DLGAP2: variants seen among roughly 807,000 people sequenced by gnomAD.
DLGAP2 encodes disks large-associated protein 2.
In DLGAP2, 26 loss-of-function variants were observed where a neutral mutation model predicts 100.3. The ratio of observed to expected loss-of-function variants is 0.26; its 90% CI spans 0.19 to 0.36. DLGAP2 has a LOEUF of 0.36. Among genes scored for constraint, DLGAP2 ranks in the 10% least tolerant of loss-of-function variants. The pLI is 1.00. For missense variants in DLGAP2, 1,858 were observed against 1,453.2 expected (o/e 1.28, Z -4.53); for synonymous variants, 886 against 630.1 (o/e 1.41, Z -6.08).
intron 5 of DLGAP2, among the ~76,000 whole-genome samples, chr8:1,563,560 C>T (rs1366742375): frequency 2.6e-5 from 4 of 151,990 alleles, no homozygotes; most frequent in East Asian, 1.9e-4. Flanking sequence ...GTCCGCGCCT[C>T]GTTGCTGCGG....
At chr8:836,741 C>T (rs1055953182) in intron 1 of DLGAP2, among the ~76,000 whole-genome samples, 6 of 152,142 alleles carry the variant, frequency 3.9e-5, no homozygotes, top group Non-Finnish European at 7.4e-5. Flanking sequence ...GCTAAGGAGA[C>T]GAGGGCGTTT....
intron 2 of DLGAP2, among the ~76,000 whole-genome samples, chr8:1,162,866 C>T (rs1000621396): frequency 4.6e-5 from 7 of 152,260 alleles, no homozygotes; most frequent in African/African-American, 1.2e-4. Flanking sequence ...AGCCCCGGCA[C>T]GGGGGCACCA....
chr8:1,172,243 C>G (rs1265241624), intron 2 of DLGAP2, among the ~76,000 whole-genome samples: 1 of 152,170 alleles, frequency 6.6e-6, no homozygotes, highest in Admixed American at 6.5e-5. Context: ...GAGTTTCTGC[C>G]TAGAGATCAG....
At chr8:1,350,175 TGGAAAGGCCGCGCGGGTCCTGAGTGTGC>T (rs1801675587) in intron 3 of DLGAP2, among the ~76,000 whole-genome samples, 1 of 151,334 alleles carries the variant, frequency 6.6e-6, no homozygotes, top group East Asian at 1.9e-4. Context: ...TCTTGTGGCG[TGGAAAGGCCGCGCGGGTCCTGAGTGTGC>T]GTGGAAAGGC....
At chr8:1,332,761 T>C (rs79672938) in intron 3 of DLGAP2, among the ~76,000 whole-genome samples, 1 of 152,178 alleles carries the variant, frequency 6.6e-6, no homozygotes, top group South Asian at 2.1e-4. Context: ...GGAAAAGCCA[T>C]TGAGGCTGCA....
chr8:1,513,737 T>C (rs1294233941), intron 4 of DLGAP2, among the ~76,000 whole-genome samples: 1 of 152,182 alleles, frequency 6.6e-6, no homozygotes, highest in Non-Finnish European at 1.5e-5. Context: ...TAAACAATTA[T>C]AGATGTGTAA....
intron 2 of DLGAP2, chr8:910,387 C>T (rs1186609634): frequency 1.3e-5 from 2 of 152,160 alleles, no homozygotes; most frequent in East Asian, 1.9e-4. Flanking sequence ...TGATTTTAGG[C>T]AATGCTGTGA....
intron 3 of DLGAP2, among the ~76,000 whole-genome samples, chr8:1,416,147 A>G (rs897298924): frequency 6.6e-6 from 1 of 152,214 alleles, no homozygotes; most frequent in African/African-American, 2.4e-5. Flanking sequence ...AAGTATTTTC[A>G]GTGCTCAGTT....
intron 5 of DLGAP2, among the ~76,000 whole-genome samples, chr8:1,550,458 T>G (rs1262061896): frequency 6.6e-6 from 1 of 152,118 alleles, no homozygotes; most frequent in Non-Finnish European, 1.5e-5. Flanking sequence ...GCTGGAGGGT[T>G]TAACAACCAC....
At chr8:1,121,220 TTGTCCAGTTAGAACCCATGAACACCCATC>T in intron 2 of DLGAP2, among the ~76,000 whole-genome samples, 1 of 149,476 alleles carries the variant, frequency 6.7e-6, no homozygotes. Context: ...CCTCCCATCC[TTGTCCAGTTAGAACCCATGAACACCCATC>T]CTCGTCCCTT....
chr8:1,622,414 A>T (rs907218871), intron 6 of DLGAP2: 3 of 152,210 alleles, frequency 2.0e-5, no homozygotes, highest in Non-Finnish European at 4.4e-5. Context: ...GTTTAGATGG[A>T]TCTAAACAGC....
At chr8:935,208 C>A (rs1036793699) in intron 2 of DLGAP2, among the ~76,000 whole-genome samples, 24 of 152,330 alleles carry the variant, frequency 1.6e-4, no homozygotes, top group African/African-American at 5.3e-4. Context: ...GGGCGTCTCT[C>A]TTCCTTCCCG....
rs1304388255 is a variant in DLGAP2, at chr8:777,658, T to C, written c.18+39833T>C. ...ATTCTGGGTTGAAAATTCTTTTCTT[T>C]GAGAATGTTGAATATTGGCCCCCAC... is the stretch of plus-strand genomic sequence containing the variant. On this transcript the variant is annotated intron_variant, in intron 1 of 14. Transcript: ENST00000637795. 1.8e-3 allele frequency among the ~76,000 whole-genome samples: 272 copies of C among 152,172 alleles called. 1 individual carries two copies. Among genetic ancestry groups the C allele is most frequent in the Non-Finnish European group, 2.8e-3 (189 of 67,978 alleles).
chr8:1,069,822 A>G (rs1278679631), intron 2 of DLGAP2, among the ~76,000 whole-genome samples: 5 of 152,118 alleles, frequency 3.3e-5, no homozygotes, highest in African/African-American at 1.2e-4. Flanking sequence ...CTTGTGGAGG[A>G]GGATGCTGTG....
intron 2 of DLGAP2, among the ~76,000 whole-genome samples, chr8:1,215,906 C>T (rs558419942): frequency 2.2e-4 from 32 of 148,186 alleles, no homozygotes; most frequent in Non-Finnish European, 3.3e-4. Flanking sequence ...CATTTGGGTG[C>T]ATTACCTGGA....
intron 3 of DLGAP2, among the ~76,000 whole-genome samples, chr8:1,488,508 C>A (rs892787245): frequency 6.6e-6 from 1 of 152,138 alleles, no homozygotes; most frequent in Non-Finnish European, 1.5e-5. Context: ...TTTCATCTTC[C>A]CTTTATTTTT....
intron 6 of DLGAP2, among the ~76,000 whole-genome samples, chr8:1,598,566 TTTGAC>T (rs1192771586): frequency 6.6e-6 from 1 of 152,218 alleles, no homozygotes; most frequent in Non-Finnish European, 1.5e-5. Context: ...TATTCAGGGA[TTTGAC>T]TTATTCCTCA....
intron 2 of DLGAP2, among the ~76,000 whole-genome samples, chr8:1,189,732 C>G (rs1188621033): frequency 6.6e-6 from 1 of 152,122 alleles, no homozygotes; most frequent in Non-Finnish European, 1.5e-5. Context: ...CTCGAGTTAT[C>G]CAATAGGCAT....
chr8:755,400 A>G (rs1820895333), intron 1 of DLGAP2, among the ~76,000 whole-genome samples: 2 of 152,238 alleles, frequency 1.3e-5, no homozygotes, highest in South Asian at 4.2e-4. Flanking sequence ...CAGAGGTTGC[A>G]GTGAGCTGTG....
Sources: gnomAD v4.1 joint callset for allele counts (sites outside exome capture counted in the v4.1 genomes callset) on GRCh38, gnomAD v4.1.1 for gene constraint, MANE v1.5 for transcripts, NCBI Gene and HGNC (gene_info 2026-07-23, HGNC 2026-07-21) for gene names.